Variants in EYA1 observed in about 807,000 individuals in gnomAD.
The protein encoded by EYA1 is EYA transcriptional coactivator and phosphatase 1.
In EYA1, 16 loss-of-function variants were observed where a neutral mutation model predicts 82.0. The observed-to-expected ratio is 0.20, with a 90% CI of 0.13 to 0.30. The LOEUF (loss-of-function observed/expected upper bound fraction) is 0.30. EYA1 is among the 10% of genes least tolerant of loss of function. EYA1 has a pLI of 1.00. For missense variants in EYA1, 633 were observed against 730.7 expected (o/e 0.87, Z 1.54); for synonymous variants, 261 against 264.4 (o/e 0.99, Z 0.12).
chr8:71,455,051 C>A (rs1230179925), intron 2 of EYA1, among the ~76,000 whole-genome samples: 3 of 152,066 alleles, frequency 2.0e-5, no homozygotes, highest in African/African-American at 7.2e-5. Flanking sequence ...ATCAAAAAGA[C>A]ACAATAAAAA....
At chr8:71,355,598 A>C (rs776502966) in intron 2 of EYA1, among the ~76,000 whole-genome samples, 10 of 152,200 alleles carry the variant, frequency 6.6e-5, no homozygotes, top group Non-Finnish European at 1.2e-4. Flanking sequence ...TGCCCAGTTG[A>C]AAAAGGATAA....
intron 17 of EYA1, chr8:71,199,961 G>GT (rs66665084): frequency 0.35 from 54,210 of 155,104 alleles, 10,140 homozygotes; most frequent in East Asian, 0.77. Context: ...ATCTAACGTT[G>GT]TTTTTTTTGT....
chr8:71,514,257 A>G (rs1470819667), intron 2 of EYA1, among the ~76,000 whole-genome samples: 1 of 152,118 alleles, frequency 6.6e-6, no homozygotes, highest in Non-Finnish European at 1.5e-5. Flanking sequence ...TTATAAGTTG[A>G]TATAACTTGT....
intron 12 of EYA1, among the ~76,000 whole-genome samples, chr8:71,233,733 T>C (rs977000479): frequency 2.0e-5 from 3 of 152,218 alleles, no homozygotes; most frequent in Non-Finnish European, 4.4e-5. Flanking sequence ...CTTAACGTAA[T>C]ATGAAAGTCT....
chr8:71,464,222 A>T (rs779363508), intron 2 of EYA1, among the ~76,000 whole-genome samples: 5 of 152,034 alleles, frequency 3.3e-5, no homozygotes, highest in Non-Finnish European at 5.9e-5. Flanking sequence ...CTTCTCCTAT[A>T]GCCATTTGCC....
intron 2 of EYA1, among the ~76,000 whole-genome samples, chr8:71,419,966 G>T (rs951304637): frequency 3.3e-5 from 5 of 151,948 alleles, no homozygotes; most frequent in Admixed American, 2.6e-4. Flanking sequence ...TTTTAAGAGG[G>T]CTAAATACTT....
intron 17 of EYA1, among the ~76,000 whole-genome samples, chr8:71,204,376 T>A (rs1807467849): frequency 6.6e-6 from 1 of 152,262 alleles, no homozygotes; most frequent in Non-Finnish European, 1.5e-5. Flanking sequence ...TGCTGAATTA[T>A]TAAAAATGTG....
At chr8:71,486,303 A>G (rs1019117541) in intron 2 of EYA1, among the ~76,000 whole-genome samples, 2 of 152,042 alleles carry the variant, frequency 1.3e-5, no homozygotes, top group Non-Finnish European at 1.5e-5. Context: ...GATCACCTCA[A>G]CAATCCTGGG....
At chr8:71,251,971 C>T (rs568804119) in intron 11 of EYA1, among the ~76,000 whole-genome samples, 39 of 152,186 alleles carry the variant, frequency 2.6e-4, no homozygotes, top group African/African-American at 9.4e-4. Flanking sequence ...TAATGTCTGT[C>T]AGCTTTGAAT....
chr8:71,323,728 G>A (rs751959565), intron 4 of EYA1, among the ~76,000 whole-genome samples: 2 of 152,204 alleles, frequency 1.3e-5, no homozygotes, highest in Non-Finnish European at 2.9e-5. Context: ...TGCTGTGCTA[G>A]ATGCTGCACG....
intron 2 of EYA1, among the ~76,000 whole-genome samples, chr8:71,424,650 A>G (rs574952353): frequency 6.6e-6 from 1 of 152,270 alleles, no homozygotes; most frequent in Non-Finnish European, 1.5e-5. Flanking sequence ...CCAGCTGGAG[A>G]AGCCTGTTTC....
At chr8:71,501,256 C>T (rs1811787804) in intron 2 of EYA1, among the ~76,000 whole-genome samples, 1 of 152,110 alleles carries the variant, frequency 6.6e-6, no homozygotes, top group Non-Finnish European at 1.5e-5. Flanking sequence ...CCGGGGTCCC[C>T]TAGGGGGAAG....
Position 71,467,022 on chromosome 8 carries a change from G to C in EYA1, c.33+68722C>G, listed in dbSNP as rs192608573. On this transcript the variant is annotated intron_variant, in intron 2 of 18. Coordinates refer to the EYA1 transcript ENST00000643681. ...ATGAAACACCAGTTGGGAATAAAAA[G>C]GTACACAGCCATATTCTAAACCATT... 3.3e-5 allele frequency among the ~76,000 whole-genome samples: 5 copies of C among 152,010 alleles called. No individual in the cohort carries two copies. The East Asian group carries it at 9.7e-4, about 29-fold the overall frequency.
chr8:71,533,850 CT>C (rs1377155478), intron 2 of EYA1, among the ~76,000 whole-genome samples: 1 of 152,192 alleles, frequency 6.6e-6, no homozygotes, highest in African/African-American at 2.4e-5. Context: ...ATACCCCTTC[CT>C]TGTTCTGTAC....
intron 2 of EYA1, among the ~76,000 whole-genome samples, chr8:71,449,959 A>G (rs1206421606): frequency 6.6e-6 from 1 of 152,204 alleles, no homozygotes; most frequent in Non-Finnish European, 1.5e-5. Flanking sequence ...GTTAGCTTCA[A>G]ACTTTTCTTC....
chr8:71,444,206 G>A (rs1446427817), intron 2 of EYA1, among the ~76,000 whole-genome samples: 1 of 152,158 alleles, frequency 6.6e-6, no homozygotes, highest in Non-Finnish European at 1.5e-5. Context: ...CTCAAAGCCG[G>A]AAAACAAGAC....
intron 2 of EYA1, among the ~76,000 whole-genome samples, chr8:71,378,563 G>A (rs189862248): frequency 8.2e-4 from 125 of 152,228 alleles, no homozygotes; most frequent in African/African-American, 2.6e-3. Flanking sequence ...GGAATATACA[G>A]TAACAAGGTT....
chr8:71,377,606 A>AT (rs1349486297), intron 2 of EYA1, among the ~76,000 whole-genome samples: 1 of 152,110 alleles, frequency 6.6e-6, no homozygotes, highest in Admixed American at 6.5e-5. Context: ...AAAATTTACC[A>AT]TTTTACACAT....
intron 2 of EYA1, among the ~76,000 whole-genome samples, chr8:71,452,282 T>A (rs112824703): frequency 0.18 from 26,651 of 152,222 alleles, 2,552 homozygotes; most frequent in Non-Finnish European, 0.21. Flanking sequence ...AAGCTTGAAC[T>A]GGGTGGAGTC....
Sources: allele counts gnomAD v4.1 joint callset (sites outside exome capture counted in the v4.1 genomes callset), GRCh38; gene constraint gnomAD v4.1.1; transcripts MANE v1.5; gene names NCBI Gene and HGNC (gene_info 2026-07-23, HGNC 2026-07-21).